The following LTBP2 variants were observed in gnomAD, a reference collection of about 807,000 sequenced individuals.
LTBP2 encodes the protein latent transforming growth factor beta binding protein 2.
Under a neutral mutation model 210.6 loss-of-function variants are expected in LTBP2, and 103 were observed. That is an observed-to-expected ratio of 0.49 (90% CI 0.42 to 0.58). The LOEUF (loss-of-function observed/expected upper bound fraction) is 0.58, where lower values mean the gene tolerates loss of function less well. Ranked by LOEUF, LTBP2 falls within the 20% of genes least tolerant of loss-of-function variation. The probability of loss-of-function intolerance (pLI) is 0.00; values close to 1 mark genes in which losing one functional copy is unlikely to be tolerated. For missense variants in LTBP2, 2,313 were observed against 2,494.5 expected (o/e 0.93, Z 1.55); for synonymous variants, 1,007 against 1,015.0 (o/e 0.99, Z 0.15).
At chr14:74,591,329 T>A (rs1319941164) in intron 2 of LTBP2, among the ~76,000 whole-genome samples, 1 of 152,134 alleles carries the variant, frequency 6.6e-6, no homozygotes, top group Non-Finnish European at 1.5e-5. Flanking sequence ...AAACAGCTCA[T>A]GGGAAATGAG....
intron 3 of LTBP2, among the ~76,000 whole-genome samples, chr14:74,580,729 G>A (rs144822295): frequency 2.7e-4 from 41 of 152,322 alleles, no homozygotes; most frequent in Non-Finnish European, 5.0e-4. Flanking sequence ...TTAGGCCAAG[G>A]CAGGAGGATC....
At chr14:74,527,851 C>A (rs2087294029) in intron 12 of LTBP2, among the ~76,000 whole-genome samples, 1 of 152,232 alleles carries the variant, frequency 6.6e-6, no homozygotes, top group African/African-American at 2.4e-5. Flanking sequence ...TCCACAACAA[C>A]TGGGGCTCTG....
intron 3 of LTBP2, among the ~76,000 whole-genome samples, chr14:74,572,423 AAGTGT>A (rs2087995385): frequency 1.3e-5 from 2 of 149,810 alleles, no homozygotes; most frequent in African/African-American, 4.9e-5. Flanking sequence ...AAGTGGAAAC[AAGTGT>A]ATGTTTCAGA....
Position 74,506,342 on chromosome 14 carries a change from G to T in LTBP2, c.4034-151C>A. 2.8e-6 allele frequency: 3 copies of T among 1,061,712 alleles called. 1 individual carries two copies. The highest frequency in any genetic ancestry group is 2.7e-5 in the South Asian group (2 of 75,278). 65.8% of individuals were successfully genotyped at this position (1,061,712 alleles called of 1,614,324 possible). On this transcript the variant is annotated intron_variant, in intron 27 of 35. Coordinates refer to ENST00000261978, the MANE Select transcript of LTBP2 (RefSeq NM_000428.3). ...GATTTGTAGGGAGGAGGAACCAATG[G>T]ACAGAGGGCATGGGAAAGAAGAAAA...
At chr14:74,595,625 G>A (rs1441366310) in intron 2 of LTBP2, among the ~76,000 whole-genome samples, 1 of 152,132 alleles carries the variant, frequency 6.6e-6, no homozygotes, top group Non-Finnish European at 1.5e-5. Flanking sequence ...CAGGATGGTC[G>A]GGAAGGATGA....
At chr14:74,516,146 T>C (rs2087131691) in intron 18 of LTBP2, among the ~76,000 whole-genome samples, 1 of 152,230 alleles carries the variant, frequency 6.6e-6, no homozygotes, top group Non-Finnish European at 1.5e-5. Flanking sequence ...CCCTCATTTC[T>C]TCCTGTCCCA....
intron 8 of LTBP2, among the ~76,000 whole-genome samples, chr14:74,539,954 T>C (rs2358798): frequency 0.84 from 128,492 of 152,226 alleles, 56,905 homozygotes; most frequent in Non-Finnish European, 0.99. Flanking sequence ...AACCTGCCCC[T>C]CTGCTGGCCT....
chr14:74,593,585 C>T (rs1195960063), intron 2 of LTBP2, among the ~76,000 whole-genome samples: 1 of 152,148 alleles, frequency 6.6e-6, no homozygotes, highest in African/African-American at 2.4e-5. Context: ...ACTGTAGCCA[C>T]GAACTGTATG....
intron 15 of LTBP2, among the ~76,000 whole-genome samples, chr14:74,524,117 T>A (rs1457871346): frequency 6.6e-6 from 1 of 152,004 alleles, no homozygotes; most frequent in Non-Finnish European, 1.5e-5. Context: ...GAGCTGCTGC[T>A]GAGCTTGGCC....
chr14:74,525,607 T>G (rs1364502054), intron 14 of LTBP2, among the ~76,000 whole-genome samples: 1 of 152,158 alleles, frequency 6.6e-6, no homozygotes, highest in Admixed American at 6.5e-5. Flanking sequence ...AATACCAACA[T>G]CTTATTTGCT....
At chr14:74,569,166 A>G (rs72732146) in intron 3 of LTBP2, among the ~76,000 whole-genome samples, 52,377 of 135,324 alleles carry the variant, frequency 0.39, 11,531 homozygotes, top group Non-Finnish European at 0.51. Context: ...GAAGGAGGGA[A>G]GAAGGGAAGC....
chr14:74,578,662 C>T (rs1006992752), intron 3 of LTBP2, among the ~76,000 whole-genome samples: 4 of 152,160 alleles, frequency 2.6e-5, no homozygotes, highest in Non-Finnish European at 4.4e-5. Flanking sequence ...AGCCTGAACC[C>T]GCCTCTAGGT....
chr14:74,516,189 T>G (rs1023215992), intron 18 of LTBP2, among the ~76,000 whole-genome samples: 8 of 152,182 alleles, frequency 5.3e-5, no homozygotes, highest in Non-Finnish European at 1.0e-4. Context: ...CTGGGCCTCC[T>G]ACAAGCCTGT....
intron 2 of LTBP2, among the ~76,000 whole-genome samples, chr14:74,598,695 G>A (rs540994763): frequency 3.3e-4 from 50 of 152,288 alleles, no homozygotes; most frequent in African/African-American, 1.2e-3. Context: ...AGAGGCAACC[G>A]AGACACAAAG....
chr14:74,584,363 A>G (rs569981576), intron 3 of LTBP2, among the ~76,000 whole-genome samples: 2 of 152,290 alleles, frequency 1.3e-5, no homozygotes, highest in East Asian at 1.9e-4. Context: ...ACATGGGATC[A>G]GTGCATCATA....
intron 21 of LTBP2, 22 bp from the exon 22 acceptor site, chr14:74,509,385 C>T (rs1390345035): frequency 6.2e-7 from 1 of 1,612,538 alleles, no homozygotes; most frequent in Non-Finnish European, 8.5e-7. Context: ...CAGCGCTCGC[C>T]CGGGGACCTA....
intron 2 of LTBP2, among the ~76,000 whole-genome samples, chr14:74,602,215 G>A (rs2088458309): frequency 6.6e-6 from 1 of 152,234 alleles, no homozygotes; most frequent in Non-Finnish European, 1.5e-5. Context: ...AGCAGAGCTT[G>A]GCCGTGTTTC....
chr14:74,514,284 C>T (rs184306971), intron 18 of LTBP2, among the ~76,000 whole-genome samples: 81 of 152,338 alleles, frequency 5.3e-4, no homozygotes, highest in Middle Eastern at 6.8e-3. Flanking sequence ...CTGCCTTCTT[C>T]CTGTGTTCCC....
In LTBP2 at chr14:74,509,303, C is replaced by A; in HGVS notation, c.3338G>T (p.Gly1113Val). The change falls in exon 22 of 36, where the codon GGC becomes GTC. Residue 1113 changes from glycine to valine, a missense_variant. By Grantham distance (109) the Gly-to-Val change is moderately radical (BLOSUM62 -3). Transcript: ENST00000261978. ...CPSGVCTNTAGSFSCKDCDGG... is the reference protein window; with the variant it reads ...CPSGVCTNTAVSFSCKDCDGG... Reference sequence around the variant, plus strand: ...ATCGCAGTCCTTGCAGGAGAAGGAGCCAGCCGTGTTGGTGCAGACTCCGGA... The same window carrying A: ...ATCGCAGTCCTTGCAGGAGAAGGAGACAGCCGTGTTGGTGCAGACTCCGGA... 1 of 1,613,676 alleles carries A rather than the reference C, an allele frequency of 6.2e-7. No individual in the cohort carries two copies. The highest frequency in any genetic ancestry group is 8.5e-7 in the Non-Finnish European group (1 of 1,179,990).
Sources: gnomAD v4.1 joint callset for allele counts (sites outside exome capture counted in the v4.1 genomes callset) on GRCh38, gnomAD v4.1.1 for gene constraint, MANE v1.5 for transcripts, NCBI Gene and HGNC (gene_info 2026-07-23, HGNC 2026-07-21) for gene names.